Variants in SUCLG2 observed in about 807,000 individuals in gnomAD.
The protein encoded by SUCLG2 is succinate--CoA ligase [GDP-forming] subunit beta, mitochondrial.
SUCLG2 carries 42 observed loss-of-function variants against 47.9 expected under a neutral mutation model. The observed-to-expected ratio is 0.88, with a 90% CI of 0.69 to 1.14. The LOEUF (loss-of-function observed/expected upper bound fraction) is 1.14, where lower values mean the gene tolerates loss of function less well. Among genes scored for constraint, SUCLG2 ranks in the 50% most tolerant of loss-of-function variants. The pLI, the probability that SUCLG2 is intolerant of heterozygous loss-of-function variation, is 0.00. For synonymous variants in SUCLG2, 195 were observed against 197.3 expected, an observed-to-expected ratio of 0.99 and a Z score of 0.10; for missense variants, 571 against 525.9, an observed-to-expected ratio of 1.09 and a Z score of -0.84.
intron 9 of SUCLG2, among the ~76,000 whole-genome samples, chr3:67,444,061 GA>G (rs1196202626): frequency 6.9e-5 from 8 of 115,924 alleles, no homozygotes; most frequent in Admixed American, 1.8e-4. Context: ...GAGGGAGGTG[GA>G]GGGGTCAGCC....
chr3:67,630,951 C>G (rs1700914279), intron 1 of SUCLG2, among the ~76,000 whole-genome samples: 1 of 152,180 alleles, frequency 6.6e-6, no homozygotes, highest in Non-Finnish European at 1.5e-5. Context: ...TCATGCAAAA[C>G]CTAAAGTATC....
chr3:67,450,749 T>C (rs1704037402), intron 9 of SUCLG2, among the ~76,000 whole-genome samples: 1 of 152,258 alleles, frequency 6.6e-6, no homozygotes, highest in East Asian at 1.9e-4. Context: ...GGAAAGACTA[T>C]TGTAAAAGAT....
intron 9 of SUCLG2, among the ~76,000 whole-genome samples, chr3:67,452,717 C>T (rs1704085037): frequency 6.6e-6 from 1 of 152,088 alleles, no homozygotes; most frequent in African/African-American, 2.4e-5. Flanking sequence ...TAAATCCAAC[C>T]CAAGACACTC....
chr3:67,524,669 G>A (rs1280040767), intron 4 of SUCLG2, among the ~76,000 whole-genome samples: 1 of 152,150 alleles, frequency 6.6e-6, no homozygotes, highest in East Asian at 1.9e-4. Flanking sequence ...TTGAGAAGAT[G>A]GAGTAGACAT....
intron 9 of SUCLG2, among the ~76,000 whole-genome samples, chr3:67,434,687 G>A (rs538233034): frequency 6.6e-6 from 1 of 152,318 alleles, no homozygotes; most frequent in Non-Finnish European, 1.5e-5. Flanking sequence ...AGGGTAGATG[G>A]CAGTCAAATC....
intron 2 of SUCLG2, among the ~76,000 whole-genome samples, chr3:67,563,959 CA>C (rs756674869): frequency 0.037 from 2,877 of 78,150 alleles, 55 homozygotes; most frequent in African/African-American, 0.12. Flanking sequence ...GACTCTGTCT[CA>C]AAAAAAAAAA....
At position 67,528,318 on chromosome 3, in the gene SUCLG2, G is replaced by C. The variant is rs545320698; in HGVS notation, c.327-96C>G. ...GAGCCTCATGTCTACACTGCAAAGG[G>C]TTCACCTTCACCCTCACAAAATCCA... On this transcript the variant is annotated intron_variant, in intron 3 of 10. Coordinates refer to ENST00000307227, the MANE Select transcript of SUCLG2 (RefSeq NM_003848.4). 48 of 1,100,280 alleles carry C rather than the reference G, an allele frequency of 4.4e-5. No individual in the cohort carries two copies. In the African/African-American group the frequency reaches 7.0e-4, roughly 16 times the overall value. 68.2% of individuals were successfully genotyped at this position (1,100,280 alleles called of 1,614,324 possible).
At chr3:67,388,386 G>C (rs1271336676) in intron 10 of SUCLG2, among the ~76,000 whole-genome samples, 2 of 152,152 alleles carry the variant, frequency 1.3e-5, no homozygotes, top group African/African-American at 4.8e-5. Flanking sequence ...TTGGCATCTT[G>C]TGTGATAAAC....
chr3:67,510,555 C>T (rs1055387041), intron 6 of SUCLG2, among the ~76,000 whole-genome samples: 3 of 152,168 alleles, frequency 2.0e-5, no homozygotes, highest in African/African-American at 4.8e-5. Flanking sequence ...GTACGCATTC[C>T]TCCTTCATCT....
chr3:67,609,714 G>A, intron 1 of SUCLG2, 118 bp from the exon 2 acceptor site: 1 of 927,250 alleles, frequency 1.1e-6, no homozygotes, highest in Non-Finnish European at 1.5e-6. Context: ...CCAGAGTTGA[G>A]AGAAGCAAAA....
At chr3:67,638,310 CCT>C (rs1445032425) in intron 1 of SUCLG2, among the ~76,000 whole-genome samples, 1 of 152,084 alleles carries the variant, frequency 6.6e-6, no homozygotes, top group Non-Finnish European at 1.5e-5. Flanking sequence ...ACTTAGTGGC[CCT>C]CTCTGGACTG....
chr3:67,577,910 C>A (rs565070077), intron 2 of SUCLG2, among the ~76,000 whole-genome samples: 1 of 152,148 alleles, frequency 6.6e-6, no homozygotes, highest in African/African-American at 2.4e-5. Flanking sequence ...GGAAGGATAC[C>A]CTCTCAAGAT....
intron 2 of SUCLG2, among the ~76,000 whole-genome samples, chr3:67,534,152 A>G (rs1188416763): frequency 1.3e-5 from 2 of 152,140 alleles, no homozygotes; most frequent in Admixed American, 1.3e-4. Context: ...CCAGGGAGAT[A>G]TTATTTCAAA....
chr3:67,387,102 A>G (rs1265769363), intron 10 of SUCLG2, among the ~76,000 whole-genome samples: 1 of 152,254 alleles, frequency 6.6e-6, no homozygotes, highest in African/African-American at 2.4e-5. Context: ...ATCACAAAGG[A>G]AAAATGAAAA....
At chr3:67,391,030 G>T (rs993574627) in intron 10 of SUCLG2, among the ~76,000 whole-genome samples, 8 of 152,096 alleles carry the variant, frequency 5.3e-5, no homozygotes, top group Non-Finnish European at 1.0e-4. Flanking sequence ...TTTGTAGACT[G>T]GATACCGTTT....
At chr3:67,556,127 G>T (rs1318580387) in intron 2 of SUCLG2, among the ~76,000 whole-genome samples, 3 of 152,216 alleles carry the variant, frequency 2.0e-5, no homozygotes, top group African/African-American at 7.2e-5. Context: ...GACAGGGAAA[G>T]ATCAAAGAAA....
intron 4 of SUCLG2, among the ~76,000 whole-genome samples, chr3:67,527,133 A>G (rs1706275880): frequency 6.6e-6 from 1 of 152,254 alleles, no homozygotes; most frequent in African/African-American, 2.4e-5. Flanking sequence ...ACTGATAAAT[A>G]CAACAACTTA....
At chr3:67,378,309 T>C (rs941308607) in intron 10 of SUCLG2, among the ~76,000 whole-genome samples, 5 of 152,192 alleles carry the variant, frequency 3.3e-5, no homozygotes, top group Admixed American at 2.6e-4. Flanking sequence ...TGATGGAGTG[T>C]CACTTCTGAG....
chr3:67,452,613 T>TC (rs1704081995), intron 9 of SUCLG2, among the ~76,000 whole-genome samples: 1 of 152,186 alleles, frequency 6.6e-6, no homozygotes, highest in Non-Finnish European at 1.5e-5. Flanking sequence ...TACTAAACAA[T>TC]CCACATCCAG....
Sources: allele counts gnomAD v4.1 joint callset (sites outside exome capture counted in the v4.1 genomes callset), GRCh38; gene constraint gnomAD v4.1.1; transcripts MANE v1.5; gene names NCBI Gene and HGNC (gene_info 2026-07-23, HGNC 2026-07-21).